The following CAMK2B variants were observed in gnomAD, a reference collection of about 807,000 sequenced individuals.
CAMK2B encodes calcium/calmodulin-dependent protein kinase type II subunit beta.
Under a neutral mutation model 93.7 loss-of-function variants are expected in CAMK2B, and 27 were observed. The observed-to-expected ratio is 0.29, with a 90% CI of 0.21 to 0.40. The LOEUF is 0.40. Ranked by LOEUF, CAMK2B falls within the 10% of genes least tolerant of loss-of-function variation. CAMK2B has a pLI of 1.00. For missense variants in CAMK2B, 568 were observed against 895.8 expected, an observed-to-expected ratio of 0.63 and a Z score of 4.67; for synonymous variants, 374 against 358.8, an observed-to-expected ratio of 1.04 and a Z score of -0.48.
chr7:44,289,454 G>T (rs562907410), intron 1 of CAMK2B, among the ~76,000 whole-genome samples: 211 of 152,288 alleles, frequency 1.4e-3, no homozygotes, highest in Non-Finnish European at 2.7e-3. Context: ...GAAGACTGGG[G>T]GTTACCAAGA....
chr7:44,264,505 G>A (rs1356446040), intron 2 of CAMK2B, among the ~76,000 whole-genome samples: 1 of 152,160 alleles, frequency 6.6e-6, no homozygotes, highest in Non-Finnish European at 1.5e-5. Context: ...TGGCCACCTG[G>A]CTGCCATCTG....
chr7:44,240,797 T>C (rs895704025), intron 11 of CAMK2B, 48 bp from the exon 12 acceptor site: 1 of 1,596,106 alleles, frequency 6.3e-7, no homozygotes, highest in Non-Finnish European at 8.6e-7. Flanking sequence ...CAGTGTTCCC[T>C]GCTGGCTTCT....
chr7:44,220,138 A>T lies in CAMK2B; in HGVS notation c.1925T>A (p.Val642Glu). 6.2e-7 allele frequency: 1 copy of T among 1,612,192 alleles called. No homozygotes were observed. The highest frequency in any genetic ancestry group is 8.5e-7 in the Non-Finnish European group (1 of 1,179,784). ...CCACTTGCCGTCGCGGCGGTGCCAC[A>T]CGCGGGTCTCCTCAGACTGGCTGGT... ...PRTSQSEETR[V>E]WHRRDGKWQN... Residue 642 changes from valine to glutamate, a missense_variant, in exon 23 of 24, where the codon GTG (valine) becomes GAG (glutamate). Around this residue, in one of 4 missense-constraint regions of CAMK2B, gnomAD observed 116 missense variants for 188.0 expected, o/e 0.62. Coordinates refer to ENST00000395749, the MANE Select transcript of CAMK2B (RefSeq NM_001220.5).
rs1472732497 is a variant in CAMK2B at position 44,271,688 on chromosome 7, T to C, written c.161-8624A>G. On this transcript the variant is annotated intron_variant, in intron 2 of 23. Transcript: ENST00000395749. This position sits in a 1 kb window ranked among gnomAD's most constrained non-coding sequence, Gnocchi z 4.2. ...AAGGAGTGGCTTCCAGCAGCCCCTC[T>C]CCTCTGACTCTCCTCCCTGGCTGGT... Among the ~76,000 whole-genome samples the C allele has an allele frequency of 2.0e-5, 3 of 152,182 alleles. No individual in the cohort carries two copies. Among genetic ancestry groups the C allele is most frequent in the African/African-American group, 7.2e-5 (3 of 41,440 alleles).
Position 44,241,697 on chromosome 7 carries a change from C to T in CAMK2B, c.903+3G>A, listed in dbSNP as rs1215502554. On this transcript the variant is annotated splice_donor_region_variant and intron_variant, in intron 11 of 23. Coordinates refer to ENST00000395749, the MANE Select transcript of CAMK2B (RefSeq NM_001220.5). ...TGCCTGGGACTAGGGGCCAGGGCCTCACCTTGAGCTTTCTCCTGGCATTGA... is the reference window on the plus strand; with the variant it reads ...TGCCTGGGACTAGGGGCCAGGGCCTTACCTTGAGCTTTCTCCTGGCATTGA... The T allele has an allele frequency of 1.2e-6, 2 of 1,611,496 alleles. No individual in the cohort carries two copies. Among genetic ancestry groups the T allele is most frequent in the South Asian group, 2.2e-5 (2 of 91,032 alleles).
At chr7:44,285,600 T>A (rs2129110281) in intron 1 of CAMK2B, among the ~76,000 whole-genome samples, 1 of 152,228 alleles carries the variant, frequency 6.6e-6, no homozygotes, top group South Asian at 2.1e-4. Flanking sequence ...TGGAGATAAA[T>A]CTTTGTAAAA....
rs2128933669 is a variant in CAMK2B at position 44,234,376 on chromosome 7, G to C, written c.1131+14C>G. On this transcript the variant is annotated intron_variant, in intron 15 of 23. Coordinates refer to ENST00000395749, the MANE Select transcript of CAMK2B (RefSeq NM_001220.5). ...TAGGAGGGGCTGAGAGGCAGAATTTGAGGAGCTCAGTACCAGGGCGGCAGG... is the reference window on the plus strand; with the variant it reads ...TAGGAGGGGCTGAGAGGCAGAATTTCAGGAGCTCAGTACCAGGGCGGCAGG... 6.7e-7 allele frequency: 1 copy of C among 1,502,770 alleles called. No homozygotes were observed. Among genetic ancestry groups the C allele is most frequent in the Non-Finnish European group, 8.9e-7 (1 of 1,128,058 alleles). The allele number at this position is 1,502,770 out of a possible 1,614,324, so 93.1% of individuals were successfully genotyped here. A position where few individuals can be genotyped will look rare whatever the true frequency, so the allele number is the denominator to read the frequency against.
chr7:44,220,716 G>T lies in CAMK2B; in HGVS notation c.1674-6C>A. On this transcript the variant is annotated splice_polypyrimidine_tract_variant and splice_region_variant and intron_variant, in intron 21 of 23. Coordinates refer to ENST00000395749, the MANE Select transcript of CAMK2B (RefSeq NM_001220.5). ...GCCCTGGGTCACAGATTTTCCTGGG[G>T]GCCAAATCCAAGTGAGGAGGGGCCC... is the stretch of plus-strand genomic sequence containing the variant. 6.2e-7 allele frequency: 1 copy of T among 1,608,550 alleles called. No individual in the cohort carries two copies. The highest frequency in any genetic ancestry group is 8.5e-7 in the Non-Finnish European group (1 of 1,177,454).
At chr7:44,291,379 C>A (rs1287134186) in intron 1 of CAMK2B, among the ~76,000 whole-genome samples, 1 of 152,178 alleles carries the variant, frequency 6.6e-6, no homozygotes. Context: ...GGCAAGACGT[C>A]CCCCAGGTAG....
At chr7:44,244,481 G>A (rs2096711661) in intron 6 of CAMK2B, among the ~76,000 whole-genome samples, 1 of 71,630 alleles carries the variant, frequency 1.4e-5, no homozygotes, top group African/African-American at 6.1e-5. Flanking sequence ...TGACCAGCAG[G>A]GGGCTCCCTG....
intron 23 of CAMK2B, 39 bp from the exon 24 acceptor site, chr7:44,219,561 C>T (rs972016843): frequency 4.5e-5 from 7 of 156,002 alleles, no homozygotes; most frequent in African/African-American, 1.4e-4. Context: ...CAGCAGCCCC[C>T]TCTCCCATCC....
rs896399274 is a variant in CAMK2B, at chr7:44,248,519, C to T, written c.342-1327G>A. Among the ~76,000 whole-genome samples the T allele has an allele frequency of 6.6e-6, 1 of 152,174 alleles. No individual in the cohort carries two copies. The highest frequency in any genetic ancestry group is 1.5e-5 in the Non-Finnish European group (1 of 68,036). ...GCATTTGCCACAGGCTGCCGATGCC[C>T]ACCTGCCTGGGGTCTCAGTCACCGC... On this transcript the variant is annotated intron_variant, in intron 5 of 23. Coordinates refer to ENST00000395749, the MANE Select transcript of CAMK2B (RefSeq NM_001220.5). The surrounding 1 kb of genome is among the most constrained non-coding windows in gnomAD (Gnocchi z 4.1).
At chr7:44,288,509 C>T (rs558069358) in intron 1 of CAMK2B, among the ~76,000 whole-genome samples, 2 of 152,282 alleles carry the variant, frequency 1.3e-5, no homozygotes, top group South Asian at 4.1e-4. Flanking sequence ...CAAGGTTGCC[C>T]GCATGATGGC....
Position 44,234,427 on chromosome 7 carries a change from G to T in CAMK2B, c.1094C>A (p.Ala365Asp). 1 of 1,547,096 alleles carries T rather than the reference G, an allele frequency of 6.5e-7. No homozygotes were observed. The highest frequency in any genetic ancestry group is 8.7e-7 in the Non-Finnish European group (1 of 1,150,692). ...AGGAAGCGTCCCTTTGGGGCTGGTG[G>T]CGGCTGCACTGTTTTTGGTGCTATT... Reference protein sequence around the residue: ...QTNSTKNSAAATSPKGTLPPA... With the variant: ...QTNSTKNSAADTSPKGTLPPA... Residue 365 changes from alanine (A) to aspartate (D), a missense_variant, in exon 15 of 24, where the codon GCC becomes GAC. By Grantham distance (126) the Ala-to-Asp change is moderately radical. Transcript: ENST00000395749.
At chr7:44,285,893 A>G (rs1455256404) in intron 1 of CAMK2B, among the ~76,000 whole-genome samples, 11 of 142,696 alleles carry the variant, frequency 7.7e-5, no homozygotes, top group African/African-American at 1.3e-4. Context: ...GCGGGGGGGC[A>G]CGGTGAGGTG....
chr7:44,258,999 C>A (rs2096857161), intron 3 of CAMK2B, 73 bp from the exon 4 acceptor site: 1 of 1,303,048 alleles, frequency 7.7e-7, no homozygotes, highest in South Asian at 1.2e-5. Flanking sequence ...CCGTACCTGT[C>A]CAGGCACACC....
At chr7:44,268,390 C>T (rs144787457) in intron 2 of CAMK2B, among the ~76,000 whole-genome samples, 36 of 152,302 alleles carry the variant, frequency 2.4e-4, no homozygotes, top group African/African-American at 8.4e-4. Flanking sequence ...GCAAGGCCGA[C>T]ATCACAGAGG....
At chr7:44,320,299 G>A (rs2116550512) in intron 1 of CAMK2B, among the ~76,000 whole-genome samples, 1 of 152,270 alleles carries the variant, frequency 6.6e-6, no homozygotes, top group Admixed American at 6.5e-5. Flanking sequence ...GCCAAGGACA[G>A]GTGCCCAAAA....
chr7:44,290,019 A>G (rs1389294162), intron 1 of CAMK2B, among the ~76,000 whole-genome samples: 2 of 152,068 alleles, frequency 1.3e-5, no homozygotes, highest in African/African-American at 4.8e-5. Context: ...CCTGAGCCTC[A>G]CCGGTCGGTT....
Sources: gnomAD v4.1 joint callset for allele counts (sites outside exome capture counted in the v4.1 genomes callset) on GRCh38, gnomAD v4.1.1 for gene constraint, gnomAD v4.1.1 regional missense constraint, Gnocchi (gnomAD v3.1) non-coding constraint, MANE v1.5 for transcripts, NCBI Gene and HGNC (gene_info 2026-07-23, HGNC 2026-07-21) for gene names.